ITGA9: variants seen among roughly 807,000 people sequenced by gnomAD.
ITGA9 encodes the protein integrin alpha-9.
A neutral mutation model predicts 127.8 loss-of-function variants in ITGA9; 56 were observed. The observed-to-expected ratio is 0.44, with a 90% CI of 0.35 to 0.55. ITGA9 has a LOEUF of 0.55. Among genes scored for constraint, ITGA9 ranks in the 20% least tolerant of loss-of-function variants. ITGA9 has a pLI of 0.00. For synonymous variants in ITGA9, 508 were observed against 514.5 expected, an observed-to-expected ratio of 0.99 and a Z score of 0.17; for missense variants, 1,196 against 1,347.1, an observed-to-expected ratio of 0.89 and a Z score of 1.76.
intron 26 of ITGA9, among the ~76,000 whole-genome samples, chr3:37,787,041 G>A (rs1398092336): frequency 6.6e-6 from 1 of 152,228 alleles, no homozygotes; most frequent in Non-Finnish European, 1.5e-5. Flanking sequence ...GATATTTGGA[G>A]TTGGTGTTTC....
chr3:37,690,146 C>T (rs1700817383), intron 18 of ITGA9, among the ~76,000 whole-genome samples: 1 of 152,142 alleles, frequency 6.6e-6, no homozygotes. Flanking sequence ...TCAGCTGATT[C>T]CTACATTGCA....
chr3:37,756,591 A>G (rs1234965086), intron 23 of ITGA9, among the ~76,000 whole-genome samples: 3 of 152,338 alleles, frequency 2.0e-5, no homozygotes, highest in East Asian at 3.9e-4. Context: ...TAACTCCCCA[A>G]TCTTATTTTC....
At position 37,604,316 on chromosome 3, in the gene ITGA9, A is replaced by G. The variant is rs533435685; in HGVS notation, c.1690-24871A>G. Reference sequence around the variant, plus strand: ...TCGAATCTCCCATTTAGTCAGACACATTTTTCTAGTTTTTCTAGTTTTCTA... The same window carrying G: ...TCGAATCTCCCATTTAGTCAGACACGTTTTTCTAGTTTTTCTAGTTTTCTA... On this transcript the variant is annotated intron_variant, in intron 15 of 27. Transcript: ENST00000264741. Among the ~76,000 whole-genome samples the G allele has an allele frequency of 2.0e-5, 3 of 152,306 alleles. No homozygotes were observed. The South Asian group carries it at 6.2e-4, about 32-fold the overall frequency.
At chr3:37,676,637 A>G (rs79136227) in intron 17 of ITGA9, among the ~76,000 whole-genome samples, 2,073 of 152,328 alleles carry the variant, frequency 0.014, 41 homozygotes, top group African/African-American at 0.045. Context: ...ACATTTTTTA[A>G]TATCTTCACT....
chr3:37,803,995 C>T (rs1697265700), intron 27 of ITGA9, 53 bp downstream of exon 27: 1 of 1,613,098 alleles, frequency 6.2e-7, no homozygotes. Context: ...AGATGCCCAG[C>T]TCTCCTGCCT....
At position 37,803,955 on chromosome 3, in the gene ITGA9, A is replaced by G. The variant is rs1164862635; in HGVS notation, c.3009+13A>G. ...GCTGCTCTGGAAGGTGAGTCTGGTG[A>G]TTGCAGGTCCCCCTGGGGTCCCCAC... On this transcript the variant is annotated intron_variant, in intron 27 of 27. Transcript: ENST00000264741. The G allele has an allele frequency of 2.5e-6, 4 of 1,613,710 alleles. No individual in the cohort carries two copies. The highest frequency in any genetic ancestry group is 3.4e-6 in the Non-Finnish European group (4 of 1,179,936).
At chr3:37,501,030 C>T (rs75383371) in intron 5 of ITGA9, among the ~76,000 whole-genome samples, 4 of 151,778 alleles carry the variant, frequency 2.6e-5, no homozygotes, top group African/African-American at 9.7e-5. Context: ...GCTGTCTTAC[C>T]CCAAGAATGA....
chr3:37,608,036 G>A (rs1162967966), intron 15 of ITGA9, among the ~76,000 whole-genome samples: 3 of 152,176 alleles, frequency 2.0e-5, no homozygotes, highest in Admixed American at 6.5e-5. Flanking sequence ...GTGAGCATCC[G>A]ATCTGCAGCC....
At chr3:37,604,567 G>A (rs1323989131) in intron 15 of ITGA9, among the ~76,000 whole-genome samples, 1 of 152,226 alleles carries the variant, frequency 6.6e-6, no homozygotes, top group Non-Finnish European at 1.5e-5. Context: ...TAACGGAAGG[G>A]TTTCCACACT....
intron 3 of ITGA9, among the ~76,000 whole-genome samples, chr3:37,480,405 G>A (rs949673684): frequency 2.6e-5 from 4 of 152,132 alleles, no homozygotes; most frequent in Non-Finnish European, 5.9e-5. Context: ...CCAGTATGCG[G>A]AGCTCTCATG....
intron 18 of ITGA9, among the ~76,000 whole-genome samples, chr3:37,716,123 G>A (rs965894897): frequency 6.6e-6 from 1 of 152,168 alleles, no homozygotes; most frequent in Admixed American, 6.5e-5. Context: ...TTCCCCCAAG[G>A]GGATGTGAAT....
chr3:37,819,077 A>G lies in ITGA9; in HGVS notation c.*88A>G, dbSNP rs1697479471. ...TATTTGGAAGAAAAAAATCTTCTCC[A>G]GATTTTTCGGAGGCCCCACTGATGC... On this transcript the variant is annotated 3_prime_UTR_variant, in exon 28 of 28. Transcript: ENST00000264741. 1 of 1,064,298 alleles carries G rather than the reference A, an allele frequency of 9.4e-7. No individual in the cohort carries two copies. Among genetic ancestry groups the G allele is most frequent in the African/African-American group, 1.6e-5 (1 of 63,612 alleles). 65.9% of individuals were successfully genotyped at this position (1,064,298 alleles called of 1,614,324 possible). A position where few individuals can be genotyped will look rare whatever the true frequency, so the allele number is the denominator to read the frequency against.
chr3:37,653,861 T>A, intron 17 of ITGA9, 71 bp downstream of exon 17: 1 of 1,088,458 alleles, frequency 9.2e-7, no homozygotes, highest in South Asian at 1.2e-5. Context: ...CAAACCTGAA[T>A]GTGCAGATTT....
intron 15 of ITGA9, among the ~76,000 whole-genome samples, chr3:37,589,927 G>T (rs1283922966): frequency 6.6e-6 from 1 of 152,132 alleles, no homozygotes; most frequent in Non-Finnish European, 1.5e-5. Flanking sequence ...GGGCCCGCAG[G>T]CTGCCTCTGC....
intron 15 of ITGA9, among the ~76,000 whole-genome samples, chr3:37,590,685 A>G (rs956401665): frequency 6.6e-6 from 1 of 151,390 alleles, no homozygotes; most frequent in Non-Finnish European, 1.5e-5. Flanking sequence ...GTTCTTTGCC[A>G]AAGTTCAGAT....
At chr3:37,645,123 G>A (rs1238163303) in intron 16 of ITGA9, among the ~76,000 whole-genome samples, 1 of 152,104 alleles carries the variant, frequency 6.6e-6, no homozygotes, top group Non-Finnish European at 1.5e-5. Flanking sequence ...GGTGCTGGGG[G>A]TTATAAACAT....
In ITGA9 at chr3:37,504,398, A is replaced by G. The variant is rs72867540; in HGVS notation, c.742+1091A>G. Among the ~76,000 whole-genome samples the G allele has an allele frequency of 8.9e-3, 1,353 of 152,272 alleles. 13 individuals carry two copies. The highest frequency in any genetic ancestry group is 0.03 in the African/African-American group (1,257 of 41,520). ...GGCTCCTAAGTAGCAAAATTAGGGT[A>G]TGAGCTTGTGGTTTCTGAGTGCAGA... On this transcript the variant is annotated intron_variant, in intron 6 of 27. Coordinates refer to ENST00000264741, the MANE Select transcript of ITGA9 (RefSeq NM_002207.3).
chr3:37,519,218 T>C (rs766970244), intron 10 of ITGA9, 42 bp from the exon 11 acceptor site: 14 of 1,461,594 alleles, frequency 9.6e-6, no homozygotes, highest in South Asian at 2.3e-5. Flanking sequence ...ACTTGTATTA[T>C]TAATGTGGCT....
intron 23 of ITGA9, among the ~76,000 whole-genome samples, chr3:37,750,999 T>C (rs1056233173): frequency 6.6e-6 from 1 of 152,220 alleles, no homozygotes; most frequent in Non-Finnish European, 1.5e-5. Context: ...AGTTTTTCCA[T>C]AGATAGCTTG....
Sources: gnomAD v4.1 joint callset for allele counts (sites outside exome capture counted in the v4.1 genomes callset) on GRCh38, gnomAD v4.1.1 for gene constraint, MANE v1.5 for transcripts, NCBI Gene and HGNC (gene_info 2026-07-23, HGNC 2026-07-21) for gene names.